MYH7B: variants seen among roughly 807,000 people sequenced by gnomAD.
The protein encoded by MYH7B is myosin heavy chain 7B, also known as myosin-7B.
In MYH7B, 205 loss-of-function variants were observed where a neutral mutation model predicts 234.5. The observed-to-expected ratio is 0.87, with a 90% confidence interval of 0.78 to 0.98. The LOEUF is 0.98. Ranked by LOEUF, MYH7B falls within the 50% of genes least tolerant of loss-of-function variation. MYH7B has a pLI of 0.00. For synonymous variants in MYH7B, 1,193 were observed against 1,105.0 expected (o/e 1.08, Z -1.58); for missense variants, 2,652 against 2,633.4 (o/e 1.01, Z -0.15).
chr20:34,957,216 C>A (rs951428851), intron 1 of MYH7B, among the ~76,000 whole-genome samples: 1 of 152,190 alleles, frequency 6.6e-6, no homozygotes, highest in Non-Finnish European at 1.5e-5. Context: ...GCCAGTTCCA[C>A]TGAGCAACAG....
At chr20:34,979,935 G>C (rs1200423486) in intron 7 of MYH7B, 131 bp downstream of exon 7, 51 of 1,045,728 alleles carry the variant, frequency 4.9e-5, no homozygotes, top group Non-Finnish European at 2.7e-6. Context: ...GTGAATGATA[G>C]AGCGGGTCCA....
At chr20:34,985,335 G>A (rs1047533005) in intron 13 of MYH7B, among the ~76,000 whole-genome samples, 1 of 152,038 alleles carries the variant, frequency 6.6e-6, no homozygotes, top group African/African-American at 2.4e-5. Flanking sequence ...TCTCCTCTAC[G>A]CGGCCATAGT....
exon 37 of MYH7B, chr20:34,999,591 G>A: frequency 1.2e-6 from 2 of 1,612,080 alleles, no homozygotes; most frequent in Non-Finnish European, 1.7e-6. Flanking sequence ...CGACCTCACA[G>A]ACCAGGTGAG....
At chr20:34,987,441 C>A in intron 16 of MYH7B, 116 bp from the exon 17 acceptor site, 2 of 1,412,738 alleles carry the variant, frequency 1.4e-6, no homozygotes, top group Non-Finnish European at 9.7e-7. Context: ...GCTTTGTTTG[C>A]TAGCCCTGAA....
At chr20:35,001,502 CTACAAG>C in exon 43 of MYH7B, 1 of 1,609,596 alleles carries the variant, frequency 6.2e-7, no homozygotes, top group Non-Finnish European at 8.5e-7. Context: ...AGGTCAAGAG[CTACAAG>C]CGCCAGTTTG....
intron 2 of MYH7B, among the ~76,000 whole-genome samples, chr20:34,969,913 A>G (rs934946763): frequency 6.6e-6 from 1 of 151,774 alleles, no homozygotes; most frequent in African/African-American, 2.4e-5. Flanking sequence ...TTGAGTCTCC[A>G]CTAGTGTCAG....
At chr20:34,973,459 T>C (rs1003469666) in intron 2 of MYH7B, among the ~76,000 whole-genome samples, 1 of 152,184 alleles carries the variant, frequency 6.6e-6, no homozygotes, top group Non-Finnish European at 1.5e-5. Flanking sequence ...TGAGGGCAGA[T>C]ACATTTTGGG....
Position 34,982,540 on chromosome 20 carries a change from GC to G in MYH7B, c.611del (p.Pro204ArgfsTer36), listed in dbSNP as rs2081956178. On this transcript the variant is annotated frameshift_variant, in exon 10 of 45. Coordinates refer to ENST00000262873, the Ensembl canonical transcript of MYH7B. LOFTEE classifies it high-confidence loss of function. Reference sequence around the variant, plus strand: ...CCATCGTCGCTGCCCTGGGAGACGGGCCGGGCAAGAAGGCCGTAAGACTTGC... The same window carrying G: ...CCATCGTCGCTGCCCTGGGAGACGGGCGGGCAAGAAGGCCGTAAGACTTGC... 6.2e-7 allele frequency: 1 copy of G among 1,607,828 alleles called. No individual in the cohort carries two copies. The highest frequency in any genetic ancestry group is 8.5e-7 in the Non-Finnish European group (1 of 1,176,418).
chr20:34,975,938 G>A (rs1437372135), intron 3 of MYH7B, among the ~76,000 whole-genome samples: 2 of 151,902 alleles, frequency 1.3e-5, no homozygotes, highest in Admixed American at 1.3e-4. Context: ...GGATGGTCTC[G>A]ATCTCCTGAC....
At chr20:35,000,006 G>T (rs1223395256) in intron 38 of MYH7B, 100 bp downstream of exon 38, 1 of 1,171,280 alleles carries the variant, frequency 8.5e-7, no homozygotes, top group Admixed American at 2.0e-5. Flanking sequence ...GGGACTTTGA[G>T]GTCCGGGTTG....
In MYH7B at chr20:34,981,071, G is replaced by A. The variant is rs978929874; in HGVS notation, c.527+11G>A. ...GTCCATGCTGATCACGTGAGTGTGG[G>A]GCTCTGGGGGTGGGGTGGAAAATGC... is the stretch of plus-strand genomic sequence containing the variant. On this transcript the variant is annotated intron_variant, in intron 9 of 44. Coordinates refer to ENST00000262873, the Ensembl canonical transcript of MYH7B. 5.6e-6 allele frequency: 9 copies of A among 1,613,638 alleles called. No individual in the cohort carries two copies. The South Asian group carries it at 6.6e-5, about 12-fold the overall frequency.
At chr20:34,987,959 A>G in intron 18 of MYH7B, 45 bp downstream of exon 18, 1 of 1,559,890 alleles carries the variant, frequency 6.4e-7, no homozygotes, top group South Asian at 1.2e-5. Context: ...TCCAAGGTAG[A>G]GGACATGGGC....
At chr20:34,994,181 C>A in exon 27 of MYH7B, 1 of 1,613,418 alleles carries the variant, frequency 6.2e-7, no homozygotes, top group Non-Finnish European at 8.5e-7. Flanking sequence ...AACATCCGTG[C>A]CTTCAATGCC....
chr20:34,976,181 C>T (rs2081852384), intron 3 of MYH7B, among the ~76,000 whole-genome samples: 2 of 152,360 alleles, frequency 1.3e-5, no homozygotes, highest in South Asian at 4.1e-4. Flanking sequence ...GTGCCTCCAG[C>T]CATTACCCTC....
chr20:34,987,149 C>T (rs757673674), exon 16 of MYH7B: 1 of 1,613,400 alleles, frequency 6.2e-7, no homozygotes, highest in Non-Finnish European at 8.5e-7. Flanking sequence ...TGCCCCCCAG[C>T]ATGCCATGGA....
chr20:34,988,414 G>A lies in MYH7B; in HGVS notation c.1587+152G>A. ...TAAGCATGCATGTGAGTGTAGTTGTGACAGCGTTTATGTGCTTGTGTGTGA... is the reference window on the plus strand; with the variant it reads ...TAAGCATGCATGTGAGTGTAGTTGTAACAGCGTTTATGTGCTTGTGTGTGA... On this transcript the variant is annotated intron_variant, in intron 19 of 44. Coordinates refer to ENST00000262873, the Ensembl canonical transcript of MYH7B. The A allele has an allele frequency of 4.4e-6, 4 of 913,718 alleles. No homozygotes were observed. In the South Asian group the frequency reaches 5.2e-5, roughly 12 times the overall value. The allele number at this position is 913,718 out of a possible 1,614,324, so 56.6% of individuals were successfully genotyped here. A position where few individuals can be genotyped will look rare whatever the true frequency, so the allele number is the denominator to read the frequency against.
At chr20:34,965,583 G>T (rs1257065823) in intron 2 of MYH7B, among the ~76,000 whole-genome samples, 1 of 152,232 alleles carries the variant, frequency 6.6e-6, no homozygotes, top group Non-Finnish European at 1.5e-5. Context: ...TGTCTTGTGG[G>T]GTAGACAGAT....
rs778321080 is a variant in MYH7B at position 34,998,743 on chromosome 20, G to A, written c.4018G>A (p.Val1340Met). The A allele has an allele frequency of 5.5e-5, 89 of 1,612,078 alleles. No homozygotes were observed. The highest frequency in any genetic ancestry group is 7.0e-5 in the Non-Finnish European group (82 of 1,179,690). The change falls in exon 35 of 45, where the codon GTG (valine) becomes ATG (methionine). Residue 1340 changes from valine (V) to methionine (M), a missense_variant. By Grantham distance (21) the Val-to-Met change is conservative. This residue lies in a region of MYH7B where 2,279 missense variants were observed against 2,211.4 expected (regional missense o/e 1.03). Transcript: ENST00000262873. ...GGCCAAGAGTGCCCTGGCCCACGCC[G>A]TGCAGGCTCTGCGGCACGACTGTGA...
At chr20:34,980,925 T>C (rs1004512240) in intron 8 of MYH7B, 108 bp from the exon 9 acceptor site, 1 of 1,541,908 alleles carries the variant, frequency 6.5e-7, no homozygotes, top group East Asian at 2.2e-5. Context: ...TCCTTCCCAT[T>C]CCTGGCTCTG....
Sources: gnomAD v4.1 joint callset for allele counts (sites outside exome capture counted in the v4.1 genomes callset) on GRCh38, gnomAD v4.1.1 for gene constraint, gnomAD v4.1.1 regional missense constraint, MANE v1.5 for transcripts, NCBI Gene and HGNC (gene_info 2026-07-23, HGNC 2026-07-21) for gene names.